ADAMTSL1: variants seen among roughly 807,000 people sequenced by gnomAD.
ADAMTSL1 encodes ADAMTS like 1.
In ADAMTSL1, 126 loss-of-function variants were observed where a neutral mutation model predicts 201.8. The observed-to-expected ratio is 0.62, with a 90% CI of 0.54 to 0.72. ADAMTSL1 has a LOEUF of 0.72. Ranked by LOEUF, ADAMTSL1 falls within the 30% of genes least tolerant of loss-of-function variation. The pLI is 0.00. For missense variants in ADAMTSL1, 2,679 were observed against 2,277.8 expected (o/e 1.18, Z -3.59); for synonymous variants, 1,121 against 903.4 (o/e 1.24, Z -4.32).
intron 2 of ADAMTSL1, among the ~76,000 whole-genome samples, chr9:18,183,513 A>G (rs1333183587): frequency 6.6e-6 from 1 of 152,226 alleles, no homozygotes; most frequent in Non-Finnish European, 1.5e-5. Context: ...ACTGAACTTA[A>G]AACTCAACAA....
At chr9:18,265,538 A>G (rs556713521) in intron 2 of ADAMTSL1, among the ~76,000 whole-genome samples, 67 of 152,322 alleles carry the variant, frequency 4.4e-4, no homozygotes, top group Admixed American at 9.2e-4. Flanking sequence ...GTAACTATTT[A>G]TTGAATGACT....
chr9:18,750,326 C>G (rs1020765942), intron 15 of ADAMTSL1, among the ~76,000 whole-genome samples: 4 of 152,112 alleles, frequency 2.6e-5, no homozygotes, highest in Admixed American at 2.6e-4. Context: ...GTTCTGGCTC[C>G]TAACACAGTG....
chr9:18,475,381 G>A (rs1821398378), intron 1 of ADAMTSL1, among the ~76,000 whole-genome samples: 1 of 152,136 alleles, frequency 6.6e-6, no homozygotes, highest in South Asian at 2.1e-4. Context: ...AGGGAAGAAA[G>A]CCATTTGGTA....
intron 1 of ADAMTSL1, among the ~76,000 whole-genome samples, chr9:18,069,391 C>T (rs1343740358): frequency 2.0e-5 from 3 of 152,144 alleles, no homozygotes; most frequent in Non-Finnish European, 4.4e-5. Context: ...ACATATTACA[C>T]TGCAACGTAT....
intron 3 of ADAMTSL1, among the ~76,000 whole-genome samples, chr9:18,541,539 G>C (rs1245569449): frequency 6.6e-6 from 1 of 151,906 alleles, no homozygotes; most frequent in Non-Finnish European, 1.5e-5. Flanking sequence ...TTTATGGGTG[G>C]GAGGAGTGTG....
intron 20 of ADAMTSL1, among the ~76,000 whole-genome samples, chr9:18,809,371 G>A (rs1823363829): frequency 6.6e-6 from 1 of 152,204 alleles, no homozygotes; most frequent in Admixed American, 6.5e-5. Context: ...GGGCTGATGT[G>A]CTGCTGTGTT....
intron 2 of ADAMTSL1, among the ~76,000 whole-genome samples, chr9:18,224,491 G>A (rs982248246): frequency 6.6e-6 from 1 of 152,046 alleles, no homozygotes; most frequent in African/African-American, 2.4e-5. Flanking sequence ...AATTTTGGTG[G>A]AGACAAAAAT....
intron 19 of ADAMTSL1, among the ~76,000 whole-genome samples, chr9:18,778,881 A>T (rs1383819516): frequency 1.3e-5 from 2 of 152,250 alleles, no homozygotes; most frequent in Non-Finnish European, 2.9e-5. Flanking sequence ...ACGGAATCAT[A>T]GTCCTCTAGT....
intron 1 of ADAMTSL1, among the ~76,000 whole-genome samples, chr9:18,130,711 G>A (rs919007464): frequency 6.6e-6 from 1 of 152,122 alleles, no homozygotes; most frequent in African/African-American, 2.4e-5. Context: ...ATAAAATTCA[G>A]CATTCCCACC....
At chr9:18,764,390 C>G (rs1821375) in intron 16 of ADAMTSL1, among the ~76,000 whole-genome samples, 55,022 of 152,044 alleles carry the variant, frequency 0.36, 10,034 homozygotes, top group Middle Eastern at 0.4. Context: ...TAATAGTTTT[C>G]TTGTGGAGTC....
intron 25 of ADAMTSL1, chr9:18,890,592 A>G (rs2131551971): frequency 2.2e-6 from 1 of 455,994 alleles, no homozygotes; most frequent in Non-Finnish European, 4.4e-6. Context: ...GAGAGATTCG[A>G]TGAAATATGA....
At chr9:18,661,343 G>A (rs576729207) in intron 8 of ADAMTSL1, among the ~76,000 whole-genome samples, 25 of 152,182 alleles carry the variant, frequency 1.6e-4, no homozygotes, top group Non-Finnish European at 2.8e-4. Flanking sequence ...AATTCTGCAG[G>A]GAAACAGGAT....
intron 23 of ADAMTSL1, among the ~76,000 whole-genome samples, chr9:18,832,977 A>T (rs1271057289): frequency 6.6e-6 from 1 of 152,176 alleles, no homozygotes; most frequent in African/African-American, 2.4e-5. Flanking sequence ...ATTCTTCTTC[A>T]TTAAGTCTGG....
rs763688024 is a variant in ADAMTSL1, at chr9:18,888,010, G to A, written c.4429G>A (p.Val1477Met). 11 of 1,613,726 alleles carry A rather than the reference G, an allele frequency of 6.8e-6. No homozygotes were observed. In the East Asian group the frequency reaches 1.8e-4, roughly 26 times the overall value. The change falls in exon 24 of 29, where the codon GTG becomes ATG. Residue 1477 changes from valine (V) to methionine (M), a missense_variant. Val to Met is a conservative substitution (Grantham distance 21). Coordinates refer to ENST00000380548, the MANE Select transcript of ADAMTSL1 (RefSeq NM_001040272.6). Reference protein sequence around the residue: ...FSCLAQNEAGVLMQKASLVIQ... With the variant: ...FSCLAQNEAGMLMQKASLVIQ... The stretch of plus-strand genomic sequence containing the variant: ...CTGCCTTGCTCAGAATGAGGCAGGG[G>A]TGCTCATGCAGAAGGCATCTTTAGT...
rs184834193 is a variant in ADAMTSL1 at position 18,797,349 on chromosome 9, C to T, written c.3805+1825C>T. On this transcript the variant is annotated intron_variant, in intron 20 of 28. Transcript: ENST00000380548. ...CCTTACCTGAGTTTATCATCCACAC[C>T]TGTGCCAATGTCTACACTCACAGTG... 5.1e-3 allele frequency among the ~76,000 whole-genome samples: 774 copies of T among 152,348 alleles called. 1 individual carries two copies. Among genetic ancestry groups the T allele is most frequent in the Admixed American group, 8.2e-3 (126 of 15,304 alleles).
intron 1 of ADAMTSL1, among the ~76,000 whole-genome samples, chr9:17,999,022 G>C (rs1326584496): frequency 6.6e-6 from 1 of 151,952 alleles, no homozygotes; most frequent in African/African-American, 2.4e-5. Flanking sequence ...CCCTCTCTTT[G>C]GGGAAAACAT....
intron 9 of ADAMTSL1, among the ~76,000 whole-genome samples, chr9:18,669,587 T>C (rs532860581): frequency 6.6e-6 from 1 of 152,346 alleles, no homozygotes; most frequent in South Asian, 2.1e-4. Flanking sequence ...TTCCGATTTA[T>C]GGGATCCCAA....
At chr9:18,654,083 G>C (rs77290043) in intron 7 of ADAMTSL1, among the ~76,000 whole-genome samples, 17,420 of 152,248 alleles carry the variant, frequency 0.11, 1,300 homozygotes, top group Non-Finnish European at 0.17. Context: ...CAAAAAATTA[G>C]CTGGGCATGG....
intron 2 of ADAMTSL1, among the ~76,000 whole-genome samples, chr9:18,227,436 G>A (rs1443445816): frequency 6.6e-6 from 1 of 152,132 alleles, no homozygotes; most frequent in Non-Finnish European, 1.5e-5. Context: ...TTCCTCTAAT[G>A]TTGTCTATAG....
Sources: gnomAD v4.1 joint callset for allele counts (sites outside exome capture counted in the v4.1 genomes callset) on GRCh38, gnomAD v4.1.1 for gene constraint, MANE v1.5 for transcripts, NCBI Gene and HGNC (gene_info 2026-07-23, HGNC 2026-07-21) for gene names.